SNW1: variants seen among roughly 807,000 people sequenced by gnomAD.
SNW1 encodes the protein SNW domain containing 1, also known as SNW domain-containing protein 1.
Under a neutral mutation model 75.6 loss-of-function variants are expected in SNW1, and 9 were observed. The ratio of observed to expected loss-of-function variants is 0.12; its 90% CI spans 0.07 to 0.21. The LOEUF is 0.21. Among genes scored for constraint, SNW1 ranks in the 10% least tolerant of loss-of-function variants. The probability of loss-of-function intolerance (pLI) is 1.00; values close to 1 mark genes in which losing one functional copy is unlikely to be tolerated. For missense variants in SNW1, 409 were observed against 670.9 expected, an observed-to-expected ratio of 0.61 and a Z score of 4.31; for synonymous variants, 200 against 219.1, an observed-to-expected ratio of 0.91 and a Z score of 0.77.
At chr14:77,742,117 C>T (rs890202265) in intron 3 of SNW1, among the ~76,000 whole-genome samples, 17 of 152,130 alleles carry the variant, frequency 1.1e-4, no homozygotes, top group African/African-American at 3.9e-4. Context: ...TAGCAACCTC[C>T]GCCTCCCGGG....
In SNW1 at chr14:77,732,478, A is replaced by G. The variant is rs1162386497; in HGVS notation, c.891+7T>C. On this transcript the variant is annotated splice_region_variant and intron_variant, in intron 9 of 13. Transcript: ENST00000261531. Reference sequence around the variant, plus strand: ...CAAGAGCATTAAACAAATTATAACAAACCAACCTTCCGATCAGCAATGTAG... The same window carrying G: ...CAAGAGCATTAAACAAATTATAACAGACCAACCTTCCGATCAGCAATGTAG... 1 of 1,467,636 alleles carries G rather than the reference A, an allele frequency of 6.8e-7. No individual in the cohort carries two copies. The highest frequency in any genetic ancestry group is 9.5e-7 in the Non-Finnish European group (1 of 1,048,236). The allele number at this position is 1,467,636 out of a possible 1,614,324, so 90.9% of individuals were successfully genotyped here.
At chr14:77,737,728 T>G (rs1293830916) in intron 5 of SNW1, among the ~76,000 whole-genome samples, 1 of 152,268 alleles carries the variant, frequency 6.6e-6, no homozygotes, top group East Asian at 1.9e-4. Flanking sequence ...GGGTGGCTCA[T>G]GCCTGTAATC....
At chr14:77,732,809 C>T (rs777122959) in intron 8 of SNW1, among the ~76,000 whole-genome samples, 3 of 152,126 alleles carry the variant, frequency 2.0e-5, no homozygotes, top group Admixed American at 6.5e-5. Context: ...GGACCATAGG[C>T]GTGCGCCACA....
chr14:77,746,194 A>G (rs1354948825), intron 3 of SNW1, among the ~76,000 whole-genome samples: 1 of 152,254 alleles, frequency 6.6e-6, no homozygotes, highest in East Asian at 1.9e-4. Context: ...TCCTTACCCT[A>G]AAGACCATGG....
At chr14:77,753,843 C>A (rs2080825247) in intron 2 of SNW1, among the ~76,000 whole-genome samples, 1 of 151,582 alleles carries the variant, frequency 6.6e-6, no homozygotes, top group Non-Finnish European at 1.5e-5. Flanking sequence ...ATCCTGGCTA[C>A]TTGGGAGGCT....
At position 77,736,954 on chromosome 14, in the gene SNW1, T is replaced by C. The variant is rs2080677662; in HGVS notation, c.638+17A>G. On this transcript the variant is annotated intron_variant, in intron 6 of 13. Coordinates refer to ENST00000261531, the MANE Select transcript of SNW1 (RefSeq NM_012245.3). ...CATGTTATTGTGTGTATTAGTAGCC[T>C]ATTCCTTTTCACTTACTTGAACCTT... 3 of 1,540,970 alleles carry C rather than the reference T, an allele frequency of 1.9e-6. No homozygotes were observed. Among genetic ancestry groups the C allele is most frequent in the Non-Finnish European group, 2.7e-6 (3 of 1,113,278 alleles).
intron 12 of SNW1, among the ~76,000 whole-genome samples, chr14:77,719,400 G>A (rs1347782380): frequency 6.6e-6 from 1 of 152,146 alleles, no homozygotes; most frequent in Non-Finnish European, 1.5e-5. Context: ...CACTTTGGGA[G>A]GCCAAGGCAG....
intron 1 of SNW1, among the ~76,000 whole-genome samples, chr14:77,759,882 C>T (rs2080872869): frequency 6.6e-6 from 1 of 151,834 alleles, no homozygotes; most frequent in Non-Finnish European, 1.5e-5. Flanking sequence ...CTTTCGGAGG[C>T]CGAGACAGGA....
intron 2 of SNW1, among the ~76,000 whole-genome samples, 164 bp downstream of exon 2, chr14:77,754,803 T>C (rs2080832042): frequency 6.6e-6 from 1 of 152,172 alleles, no homozygotes; most frequent in Non-Finnish European, 1.5e-5. Context: ...AAAAAGAAAA[T>C]GATACATCTT....
chr14:77,732,487 T>G lies in SNW1; in HGVS notation c.889A>C (p.Lys297Gln), dbSNP rs761430848. The change falls in exon 9 of 14, where the codon AAG becomes CAG. Residue 297 changes from lysine to glutamine, a missense_variant and splice_region_variant. Physicochemically the swap from Lys to Gln is moderately conservative, Grantham distance 53 (BLOSUM62 1). Transcript: ENST00000261531. Reference protein sequence around the residue: ...LAEALYIADRKAREAVEMRAQ... With the variant: ...LAEALYIADRQAREAVEMRAQ... The stretch of plus-strand genomic sequence containing the variant: ...TAAACAAATTATAACAAACCAACCT[T>G]CCGATCAGCAATGTAGAGGGCTTCT... 2 of 1,524,972 alleles carry G rather than the reference T, an allele frequency of 1.3e-6. No individual in the cohort carries two copies. The highest frequency in any genetic ancestry group is 1.8e-6 in the Non-Finnish European group (2 of 1,099,548). 94.5% of individuals were successfully genotyped at this position (1,524,972 alleles called of 1,614,324 possible). A position where few individuals can be genotyped will look rare whatever the true frequency, so the allele number is the denominator to read the frequency against.
intron 1 of SNW1, among the ~76,000 whole-genome samples, chr14:77,758,531 C>G (rs1566838617): frequency 6.6e-6 from 1 of 152,156 alleles, no homozygotes; most frequent in Non-Finnish European, 1.5e-5. Context: ...TTCTGACCAC[C>G]TTACCCAAAA....
chr14:77,731,640 G>T (rs1351219610), intron 9 of SNW1, among the ~76,000 whole-genome samples: 1 of 152,144 alleles, frequency 6.6e-6, no homozygotes, highest in Non-Finnish European at 1.5e-5. Context: ...TTTTATAAGG[G>T]TACTCACTGT....
At chr14:77,722,802 G>A (rs1434731492) in intron 11 of SNW1, 1 of 408,270 alleles carries the variant, frequency 2.4e-6, no homozygotes, top group South Asian at 1.8e-5. Context: ...TGCTCTAAAA[G>A]GTACAAAAAG....
intron 10 of SNW1, among the ~76,000 whole-genome samples, chr14:77,724,078 G>A (rs1197081867): frequency 6.6e-6 from 1 of 152,224 alleles, no homozygotes; most frequent in Non-Finnish European, 1.5e-5. Context: ...AGGGTAAAAT[G>A]TATTGCTGTC....
rs925255150 is a variant in SNW1, at chr14:77,750,482, C to G, written c.330+837G>C. 1.3e-5 allele frequency among the ~76,000 whole-genome samples: 2 copies of G among 152,122 alleles called. 1 individual carries two copies. The highest frequency in any genetic ancestry group is 6.3e-3 in the Middle Eastern group (2 of 316). Reference sequence around the variant, plus strand: ...GCATGATTGCATAATTGTCTTCCCCCAAAGCTCAGCAGCCATGATGCAGAA... The same window carrying G: ...GCATGATTGCATAATTGTCTTCCCCGAAAGCTCAGCAGCCATGATGCAGAA... On this transcript the variant is annotated intron_variant, in intron 3 of 13. Coordinates refer to ENST00000261531, the MANE Select transcript of SNW1 (RefSeq NM_012245.3).
At chr14:77,735,818 A>G (rs2080666570) in intron 7 of SNW1, 119 bp downstream of exon 7, 4 of 655,682 alleles carry the variant, frequency 6.1e-6, no homozygotes, top group Non-Finnish European at 1.0e-5. Flanking sequence ...ATCTTGAAAA[A>G]TAAAAAAAGA....
Position 77,738,814 on chromosome 14 carries a change from C to T in SNW1, c.497G>A (p.Arg166Gln), listed in dbSNP as rs2080694269. 2 of 1,614,140 alleles carry T rather than the reference C, an allele frequency of 1.2e-6. No individual in the cohort carries two copies. Among genetic ancestry groups the T allele is most frequent in the Non-Finnish European group, 1.7e-6 (2 of 1,180,024 alleles). Residue 166 changes from arginine (R) to glutamine (Q), a missense_variant, in exon 5 of 14, where the codon CGA (arginine) becomes CAA (glutamine). Transcript: ENST00000261531. ...SQKVAAAMPV[R>Q]AADKLAPAQY... ...AGCAGGAGCCAATTTGTCAGCTGCTCGAACTGGCATGGCTGCGGCGACCTT... is the reference window on the plus strand; with the variant it reads ...AGCAGGAGCCAATTTGTCAGCTGCTTGAACTGGCATGGCTGCGGCGACCTT...
chr14:77,730,418 A>T (rs576933842), intron 10 of SNW1, among the ~76,000 whole-genome samples: 1 of 152,360 alleles, frequency 6.6e-6, no homozygotes, highest in South Asian at 2.1e-4. Flanking sequence ...AATAAATGAA[A>T]GAATGAATAA....
intron 1 of SNW1, chr14:77,760,907 T>C: frequency 3.5e-6 from 4 of 1,133,304 alleles, no homozygotes; most frequent in Non-Finnish European, 5.2e-6. Context: ...GGTGAGCGGG[T>C]GAACTAAACC....
Sources: gnomAD v4.1 joint callset for allele counts (sites outside exome capture counted in the v4.1 genomes callset) on GRCh38, gnomAD v4.1.1 for gene constraint, MANE v1.5 for transcripts, NCBI Gene and HGNC (gene_info 2026-07-23, HGNC 2026-07-21) for gene names.